Variants in NRG3 observed in about 807,000 individuals in gnomAD.
The protein encoded by NRG3 is pro-neuregulin-3, membrane-bound isoform.
A neutral mutation model predicts 66.9 loss-of-function variants in NRG3; 31 were observed. That is an observed-to-expected ratio of 0.46 (90% CI 0.35 to 0.63). The LOEUF (loss-of-function observed/expected upper bound fraction) is 0.63. NRG3 is among the 20% of genes least tolerant of loss of function. The pLI, the probability that NRG3 is intolerant of heterozygous loss-of-function variation, is 0.00. For synonymous variants in NRG3, 393 were observed against 359.4 expected, an observed-to-expected ratio of 1.09 and a Z score of -1.06; for missense variants, 910 against 878.9, an observed-to-expected ratio of 1.04 and a Z score of -0.45.
At chr10:82,352,607 C>T (rs572797242) in intron 1 of NRG3, among the ~76,000 whole-genome samples, 7 of 152,286 alleles carry the variant, frequency 4.6e-5, no homozygotes, top group East Asian at 3.9e-4. Flanking sequence ...AAAGTTTTCT[C>T]TGTCTTATAA....
chr10:82,738,677 A>C, intron 3 of NRG3, 27 bp downstream of exon 3: 1 of 1,576,766 alleles, frequency 6.3e-7, no homozygotes, highest in Non-Finnish European at 8.7e-7. Context: ...TCTTCTCTCT[A>C]ATGCAATATA....
intron 4 of NRG3, among the ~76,000 whole-genome samples, chr10:82,947,777 T>A (rs2132324194): frequency 6.6e-6 from 1 of 152,216 alleles, no homozygotes; most frequent in South Asian, 2.1e-4. Context: ...TTGGTTTGCT[T>A]ATCTTATTAT....
At chr10:82,938,237 G>C (rs977884374) in intron 4 of NRG3, among the ~76,000 whole-genome samples, 1 of 152,168 alleles carries the variant, frequency 6.6e-6, no homozygotes, top group African/African-American at 2.4e-5. Context: ...TTCTAGACCT[G>C]AGGTTTTCAA....
chr10:82,396,501 G>A (rs2086721663), intron 2 of NRG3, among the ~76,000 whole-genome samples: 1 of 152,084 alleles, frequency 6.6e-6, no homozygotes, highest in African/African-American at 2.4e-5. Context: ...TTATCCCTGG[G>A]GGAAAAGGGG....
intron 2 of NRG3, among the ~76,000 whole-genome samples, chr10:82,474,590 G>T (rs1403183445): frequency 6.6e-6 from 1 of 152,060 alleles, no homozygotes; most frequent in Admixed American, 6.6e-5. Context: ...AAAAATGAAT[G>T]AAGAAAAGTG....
At chr10:81,876,217 C>T (rs1214238717) in intron 1 of NRG3, 54 bp downstream of exon 1, 54 of 1,510,322 alleles carry the variant, frequency 3.6e-5, no homozygotes, top group Non-Finnish European at 4.1e-5. Flanking sequence ...CCCTTCTGCC[C>T]TCCTGCTGTC....
At chr10:82,253,221 C>T (rs1029341064) in intron 1 of NRG3, among the ~76,000 whole-genome samples, 5 of 152,128 alleles carry the variant, frequency 3.3e-5, no homozygotes, top group Admixed American at 6.6e-5. Flanking sequence ...TCTGACCTCA[C>T]GAAACTCCCA....
intron 1 of NRG3, among the ~76,000 whole-genome samples, chr10:82,148,344 G>T (rs1226505237): frequency 6.6e-6 from 1 of 151,962 alleles, no homozygotes; most frequent in African/African-American, 2.4e-5. Flanking sequence ...AAACAAACAA[G>T]CAAATAATAA....
At chr10:82,004,844 T>C (rs897097827) in intron 1 of NRG3, among the ~76,000 whole-genome samples, 17 of 152,302 alleles carry the variant, frequency 1.1e-4, no homozygotes, top group Admixed American at 6.5e-4. Flanking sequence ...CCAAGGAGTC[T>C]TCAGAAGAAA....
Position 82,757,758 on chromosome 10 carries a change from G to A in NRG3, c.1027+19108G>A, listed in dbSNP as rs991979390. On this transcript the variant is annotated intron_variant, in intron 3 of 8. Coordinates refer to ENST00000372141, the MANE Select transcript of NRG3 (RefSeq NM_001010848.4). ...TTGAATAATTGAGAAACGAAAGTCT[G>A]CTAGAAGGAGAGGCTCAATAAATAT... Among the ~76,000 whole-genome samples, 12 of 152,196 alleles carry A rather than the reference G, an allele frequency of 7.9e-5. No homozygotes were observed. In the East Asian group the frequency reaches 2.1e-3, roughly 27 times the overall value.
At chr10:82,872,183 G>A (rs1382917234) in intron 4 of NRG3, among the ~76,000 whole-genome samples, 1 of 152,008 alleles carries the variant, frequency 6.6e-6, no homozygotes, top group Non-Finnish European at 1.5e-5. Context: ...GATTTTTTTA[G>A]TCTCTTGATG....
intron 1 of NRG3, among the ~76,000 whole-genome samples, chr10:82,048,740 A>G (rs977867696): frequency 1.3e-5 from 2 of 151,896 alleles, no homozygotes; most frequent in Non-Finnish European, 2.9e-5. Context: ...GGCAAGAAAT[A>G]ACTAAAATCA....
intron 2 of NRG3, among the ~76,000 whole-genome samples, chr10:82,647,138 A>C (rs1436316523): frequency 6.6e-6 from 1 of 151,874 alleles, no homozygotes; most frequent in African/African-American, 2.4e-5. Flanking sequence ...ATATCTCCTA[A>C]TGCTATCCCT....
intron 1 of NRG3, chr10:81,877,756 C>T: frequency 7.4e-7 from 1 of 1,353,882 alleles, no homozygotes; most frequent in Non-Finnish European, 9.4e-7. Context: ...TGCTGCTTCT[C>T]TCTCCTTTGG....
intron 2 of NRG3, among the ~76,000 whole-genome samples, chr10:82,436,096 A>C (rs879933203): frequency 2.6e-5 from 4 of 152,064 alleles, no homozygotes; most frequent in Admixed American, 2.6e-4. Flanking sequence ...TATCCTTGTT[A>C]ATTTTCTGTC....
intron 1 of NRG3, among the ~76,000 whole-genome samples, chr10:82,316,976 G>A (rs11193663): frequency 6.6e-5 from 10 of 152,110 alleles, no homozygotes; most frequent in African/African-American, 9.6e-5. Flanking sequence ...TGTGTTCAGC[G>A]TGCAGGTCAT....
At chr10:82,979,332 A>T (rs1032332233) in intron 8 of NRG3, among the ~76,000 whole-genome samples, 2 of 152,208 alleles carry the variant, frequency 1.3e-5, no homozygotes, top group Non-Finnish European at 2.9e-5. Flanking sequence ...GATTAGAAAG[A>T]AATATAACTA....
At chr10:82,972,188 T>C (rs1851827582) in intron 6 of NRG3, among the ~76,000 whole-genome samples, 1 of 152,166 alleles carries the variant, frequency 6.6e-6, no homozygotes, top group Non-Finnish European at 1.5e-5. Context: ...TATTGTATAT[T>C]ACACAATTCT....
intron 2 of NRG3, among the ~76,000 whole-genome samples, chr10:82,415,039 A>G (rs570914608): frequency 1.2e-4 from 18 of 152,326 alleles, no homozygotes; most frequent in South Asian, 1.0e-3. Flanking sequence ...AGCAACATCA[A>G]AACTACTATT....
Sources: gnomAD v4.1 joint callset for allele counts (sites outside exome capture counted in the v4.1 genomes callset) on GRCh38, gnomAD v4.1.1 for gene constraint, MANE v1.5 for transcripts, NCBI Gene and HGNC (gene_info 2026-07-23, HGNC 2026-07-21) for gene names.